The following RBFOX1 variants were observed in gnomAD, a reference collection of about 807,000 sequenced individuals.
RBFOX1 encodes the protein RNA binding protein fox-1 homolog 1.
A neutral mutation model predicts 57.7 loss-of-function variants in RBFOX1; 8 were observed. The ratio of observed to expected loss-of-function variants is 0.14; its 90% CI spans 0.08 to 0.25. The LOEUF is 0.25. Ranked by LOEUF, RBFOX1 falls within the 10% of genes least tolerant of loss-of-function variation. The pLI is 1.00. For missense variants in RBFOX1, 611 were observed against 548.5 expected, an observed-to-expected ratio of 1.11 and a Z score of -1.14; for synonymous variants, 326 against 222.4, an observed-to-expected ratio of 1.47 and a Z score of -4.15.
chr16:5,746,694 T>G (rs1484267840), intron 3 of RBFOX1, among the ~76,000 whole-genome samples: 1 of 152,200 alleles, frequency 6.6e-6, no homozygotes, highest in African/African-American at 2.4e-5. Context: ...TTATTCTCTT[T>G]GAAGCAATTG....
intron 2 of RBFOX1, among the ~76,000 whole-genome samples, chr16:6,466,752 A>G (rs2095058610): frequency 1.3e-5 from 2 of 152,298 alleles, no homozygotes; most frequent in Middle Eastern, 3.4e-3. Flanking sequence ...TTCGAATAAT[A>G]GCATGCTGTT....
intron 4 of RBFOX1, among the ~76,000 whole-genome samples, chr16:7,146,299 T>G (rs2074966785): frequency 6.6e-6 from 1 of 152,212 alleles, no homozygotes; most frequent in East Asian, 1.9e-4. Context: ...ATGATAGCTC[T>G]GCTTGCTTGC....
chr16:6,484,983 T>C (rs1020552952), intron 2 of RBFOX1, among the ~76,000 whole-genome samples: 1 of 152,206 alleles, frequency 6.6e-6, no homozygotes, highest in African/African-American at 2.4e-5. Flanking sequence ...GGGACATCTT[T>C]CTCCACTGTG....
intron 3 of RBFOX1, among the ~76,000 whole-genome samples, chr16:5,663,278 A>G (rs1358617200): frequency 6.6e-6 from 1 of 152,062 alleles, no homozygotes; most frequent in Non-Finnish European, 1.5e-5. Context: ...TGGCACGAAC[A>G]TGGCTCACTA....
chr16:7,137,424 G>A (rs570441665), intron 4 of RBFOX1, among the ~76,000 whole-genome samples: 1 of 152,262 alleles, frequency 6.6e-6, no homozygotes, highest in South Asian at 2.1e-4. Context: ...TAAGTCTGAT[G>A]AGATCTGATG....
At chr16:7,345,440 G>A (rs760138411) in intron 4 of RBFOX1, among the ~76,000 whole-genome samples, 1 of 152,170 alleles carries the variant, frequency 6.6e-6, no homozygotes, top group African/African-American at 2.4e-5. Context: ...AATTTTGGTG[G>A]GGGCTTAAGG....
At chr16:6,707,710 T>C (rs1310364324) in intron 3 of RBFOX1, among the ~76,000 whole-genome samples, 1 of 152,166 alleles carries the variant, frequency 6.6e-6, no homozygotes, top group East Asian at 1.9e-4. Flanking sequence ...TTCCTCCCAG[T>C]TTCTGCTCCA....
At position 5,386,747 on chromosome 16, in the gene RBFOX1, G is replaced by A. The variant is rs954527477; in HGVS notation, c.220-80469G>A. ...TTGTTGCCTCTGTAGCTCACCAGCC[G>A]TACTTCTAAGAACGTACTTTGGGCC... On this transcript the variant is annotated intron_variant, in intron 1 of 2. Coordinates refer to the RBFOX1 transcript ENST00000585867. Among the ~76,000 whole-genome samples, 9 of 152,200 alleles carry A rather than the reference G, an allele frequency of 5.9e-5. No homozygotes were observed. The South Asian group carries it at 8.3e-4, about 14-fold the overall frequency.
At chr16:5,523,319 G>T (rs1159335279) in intron 2 of RBFOX1, among the ~76,000 whole-genome samples, 1 of 151,900 alleles carries the variant, frequency 6.6e-6, no homozygotes, top group East Asian at 1.9e-4. Flanking sequence ...GTGTCCCTTT[G>T]ATGTACCAAT....
intron 3 of RBFOX1, among the ~76,000 whole-genome samples, chr16:5,796,550 A>G (rs77202463): frequency 0.032 from 4,546 of 142,724 alleles, 91 homozygotes; most frequent in East Asian, 0.1. Flanking sequence ...GCTGTATCAG[A>G]TGGTGTCTCC....
rs553193306 is a variant in RBFOX1 at position 7,669,682 on chromosome 16, A to G, written c.930+4714A>G. On this transcript the variant is annotated intron_variant, in intron 13 of 15. Coordinates refer to ENST00000550418, the MANE Select transcript of RBFOX1 (RefSeq NM_018723.4). The stretch of plus-strand genomic sequence containing the variant: ...CTGAATTCCTGTCACTCTGCCACCC[A>G]TATGTTTTAAAACAAAGAGGTATCC... Among the ~76,000 whole-genome samples the G allele has an allele frequency of 1.7e-3, 256 of 152,328 alleles. 1 individual carries two copies. Among genetic ancestry groups the G allele is most frequent in the Non-Finnish European group, 3.0e-3 (207 of 68,024 alleles).
rs1284850734 is a variant in RBFOX1 at position 7,710,824 on chromosome 16, G to A, written c.*79G>A. The A allele has an allele frequency of 9.8e-6, 11 of 1,126,176 alleles. No individual in the cohort carries two copies. Among genetic ancestry groups the A allele is most frequent in the East Asian group, 5.9e-5 (2 of 33,650 alleles). 69.8% of individuals were successfully genotyped at this position (1,126,176 alleles called of 1,614,324 possible). On this transcript the variant is annotated 3_prime_UTR_variant, in exon 16 of 16. Transcript: ENST00000550418. ...CCTGAGTATTGCAATACATGCAGTA[G>A]TACATCATTTTAGCAACTCTAAAAA...
chr16:7,458,718 C>G (rs1799236055), intron 4 of RBFOX1, among the ~76,000 whole-genome samples: 2 of 152,120 alleles, frequency 1.3e-5, no homozygotes, highest in Non-Finnish European at 2.9e-5. Flanking sequence ...TCTCCTCCTT[C>G]TCAGCTTAGC....
chr16:6,013,455 A>C (rs2094973896), intron 4 of RBFOX1, among the ~76,000 whole-genome samples: 1 of 152,170 alleles, frequency 6.6e-6, no homozygotes, highest in African/African-American at 2.4e-5. Context: ...CCAATTGGTT[A>C]GGAATCTCCA....
intron 4 of RBFOX1, among the ~76,000 whole-genome samples, chr16:7,368,889 G>C (rs149006942): frequency 7.9e-5 from 12 of 152,148 alleles, no homozygotes; most frequent in African/African-American, 2.9e-4. Flanking sequence ...AAGTAACAAA[G>C]AAAGTGCCCT....
At chr16:6,929,658 T>C (rs1434612389) in intron 3 of RBFOX1, among the ~76,000 whole-genome samples, 3 of 152,316 alleles carry the variant, frequency 2.0e-5, no homozygotes, top group East Asian at 1.9e-4. Context: ...CTCAGAGTTA[T>C]ATCCAGCTTG....
At chr16:5,878,796 T>A (rs1196547091) in intron 4 of RBFOX1, among the ~76,000 whole-genome samples, 1 of 152,142 alleles carries the variant, frequency 6.6e-6, no homozygotes, top group African/African-American at 2.4e-5. Flanking sequence ...TCTGGTAAAC[T>A]AAAAAAACTA....
intron 3 of RBFOX1, among the ~76,000 whole-genome samples, chr16:6,834,601 G>T (rs1020422426): frequency 6.6e-6 from 1 of 152,120 alleles, no homozygotes; most frequent in Non-Finnish European, 1.5e-5. Flanking sequence ...AAACTTGAAG[G>T]TGTTTGTTTG....
intron 1 of RBFOX1, among the ~76,000 whole-genome samples, chr16:5,440,103 G>A (rs75663981): frequency 0.03 from 4,614 of 152,264 alleles, 106 homozygotes; most frequent in Non-Finnish European, 0.044. Flanking sequence ...TGTCATGTTG[G>A]ATATAAGGTT....
Sources: gnomAD v4.1 joint callset for allele counts (sites outside exome capture counted in the v4.1 genomes callset) on GRCh38, gnomAD v4.1.1 for gene constraint, MANE v1.5 for transcripts, NCBI Gene and HGNC (gene_info 2026-07-23, HGNC 2026-07-21) for gene names.